The following TLE3 variants were observed in gnomAD, a reference collection of about 807,000 sequenced individuals.
TLE3 encodes the protein TLE family member 3, transcriptional corepressor.
Under a neutral mutation model 93.0 loss-of-function variants are expected in TLE3, and 14 were observed. That is an observed-to-expected ratio of 0.15 (90% CI 0.10 to 0.24). The LOEUF is 0.24. TLE3 is among the 10% of genes least tolerant of loss of function. The pLI is 1.00. For missense variants in TLE3, 693 were observed against 1,046.6 expected (o/e 0.66, Z 4.66); for synonymous variants, 451 against 425.0 (o/e 1.06, Z -0.75).
chr15:70,089,971 T>TG (rs1379142869), intron 4 of TLE3, among the ~76,000 whole-genome samples: 2 of 152,188 alleles, frequency 1.3e-5, no homozygotes, highest in Non-Finnish European at 2.9e-5. Flanking sequence ...TCCCACCCGT[T>TG]GATCTGTAAA....
chr15:70,058,444 T>G lies in TLE3; in HGVS notation c.919-153A>C. On this transcript the variant is annotated intron_variant, in intron 11 of 19. Coordinates refer to ENST00000451782, the MANE Select transcript of TLE3 (RefSeq NM_001105192.3). This position sits in a 1 kb window ranked among gnomAD's most constrained non-coding sequence, Gnocchi z 4.1. ...CTCTCAATCCTTGCCCAACCTTGTT[T>G]GGCAGGGACTGGGGTGATCACTCCC... is the stretch of plus-strand genomic sequence containing the variant. 1 of 1,356,598 alleles carries G rather than the reference T, an allele frequency of 7.4e-7. No individual in the cohort carries two copies. Among genetic ancestry groups the G allele is most frequent in the Non-Finnish European group, 1.0e-6 (1 of 996,478 alleles). The allele number at this position is 1,356,598 out of a possible 1,614,324, so 84.0% of individuals were successfully genotyped here. A position where few individuals can be genotyped will look rare whatever the true frequency, so the allele number is the denominator to read the frequency against.
At position 70,056,160 on chromosome 15, in the gene TLE3, G is replaced by A. The variant is rs1251219216; in HGVS notation, c.1328+138C>T. On this transcript the variant is annotated intron_variant, in intron 14 of 19. Transcript: ENST00000451782. Reference sequence around the variant, plus strand: ...GCAACCAGCCCTCGGTGCCTCTAGAGGGACAGATACCTTTCCAAAGGGAGG... The same window carrying A: ...GCAACCAGCCCTCGGTGCCTCTAGAAGGACAGATACCTTTCCAAAGGGAGG... 4.2e-6 allele frequency: 4 copies of A among 959,712 alleles called. No homozygotes were observed. The African/African-American group carries it at 6.4e-5, about 15-fold the overall frequency. The allele number at this position is 959,712 out of a possible 1,614,324, so 59.4% of individuals were successfully genotyped here. A position where few individuals can be genotyped will look rare whatever the true frequency, so the allele number is the denominator to read the frequency against.
chr15:70,096,335 C>A (rs1183921796), intron 1 of TLE3, 74 bp from the exon 2 acceptor site: 2 of 1,521,820 alleles, frequency 1.3e-6, no homozygotes, highest in Non-Finnish European at 1.8e-6. Context: ...CCGGCCCCTC[C>A]CCAACGGCGC....
At chr15:70,084,709 T>A (rs1345857324) in intron 4 of TLE3, among the ~76,000 whole-genome samples, 1 of 152,072 alleles carries the variant, frequency 6.6e-6, no homozygotes, top group Non-Finnish European at 1.5e-5. Flanking sequence ...AGTGCTGCTA[T>A]CTGATGCGTG....
At position 70,058,046 on chromosome 15, in the gene TLE3, GGA is replaced by G; in HGVS notation, c.1051+111_1051+112del. ...GTGAAGTCCCCAGGGGCAGGCCCTG[GGA>G]GACACTGCCTGTGCTCTATCCCATG... On this transcript the variant is annotated intron_variant, in intron 12 of 19. Transcript: ENST00000451782. This position sits in a 1 kb window ranked among gnomAD's most constrained non-coding sequence, Gnocchi z 4.1. 6.6e-7 allele frequency: 1 copy of G among 1,508,032 alleles called. No individual in the cohort carries two copies. The highest frequency in any genetic ancestry group is 9.0e-7 in the Non-Finnish European group (1 of 1,112,542). 93.4% of individuals were successfully genotyped at this position (1,508,032 alleles called of 1,614,324 possible). A position where few individuals can be genotyped will look rare whatever the true frequency, so the allele number is the denominator to read the frequency against.
At chr15:70,070,584 A>G (rs2057090610) in intron 6 of TLE3, among the ~76,000 whole-genome samples, 1 of 152,202 alleles carries the variant, frequency 6.6e-6, no homozygotes, top group African/African-American at 2.4e-5. Flanking sequence ...CCATAGCTCC[A>G]CACGCATTGA....
intron 4 of TLE3, among the ~76,000 whole-genome samples, chr15:70,085,551 G>A (rs557638362): frequency 6.6e-6 from 1 of 152,284 alleles, no homozygotes; most frequent in African/African-American, 2.4e-5. Flanking sequence ...GAGAAGTAAG[G>A]TAAAAAACCA....
At chr15:70,057,233 C>T (rs2056125289) in intron 13 of TLE3, among the ~76,000 whole-genome samples, 3 of 152,334 alleles carry the variant, frequency 2.0e-5, no homozygotes, top group Admixed American at 1.3e-4. Flanking sequence ...CATGAGGTCA[C>T]AGGGCGGCTC....
intron 19 of TLE3, chr15:70,051,187 T>G (rs1300111806): frequency 4.2e-6 from 2 of 475,324 alleles, no homozygotes; most frequent in Non-Finnish European, 7.5e-6. Flanking sequence ...AGTAGCAGAT[T>G]GTGTGTCCTG....
chr15:70,061,173 G>A (rs1464644656), intron 8 of TLE3, among the ~76,000 whole-genome samples: 1 of 152,172 alleles, frequency 6.6e-6, no homozygotes, highest in Non-Finnish European at 1.5e-5. Flanking sequence ...ACTTCCCAGT[G>A]GAGATGAGCA....
At position 70,057,528 on chromosome 15, in the gene TLE3, G is replaced by C; in HGVS notation, c.1182C>G (p.Pro394=). 2.5e-6 allele frequency: 4 copies of C among 1,607,810 alleles called. No individual in the cohort carries two copies. Among genetic ancestry groups the C allele is most frequent in the Non-Finnish European group, 3.4e-6 (4 of 1,177,466 alleles). ...CAGCAGCGGCGGCGGCGCTCATCTG[G>C]GGTGGGATGTTGTGGAGGCCGGCGT... ...GAYAGLHNIP[P]QMSAAAAAAA... The change falls in exon 13 of 20, where the codon CCC becomes CCG. Residue 394 remains proline, a synonymous_variant. Coordinates refer to ENST00000451782, the MANE Select transcript of TLE3 (RefSeq NM_001105192.3).
At chr15:70,065,881 A>G (rs1460426871) in intron 7 of TLE3, 133 bp downstream of exon 7, 1 of 996,014 alleles carries the variant, frequency 1.0e-6, no homozygotes, top group Non-Finnish European at 1.5e-6. Flanking sequence ...CCAGGTATCA[A>G]CAGATGACTC....
chr15:70,055,519 T>A, intron 14 of TLE3: 1 of 505,382 alleles, frequency 2.0e-6, no homozygotes, highest in Non-Finnish European at 3.3e-6. Flanking sequence ...CAGTTATATA[T>A]CCTTGCTTCA....
In TLE3 at chr15:70,076,144, C is replaced by T. The variant is rs750600464; in HGVS notation, c.249G>A (p.Lys83=). Residue 83 remains lysine, a synonymous_variant, in exon 5 of 20, where the codon AAG becomes AAA. Coordinates refer to ENST00000451782, the MANE Select transcript of TLE3 (RefSeq NM_001105192.3). ...TCTGTGCTAAAATTGTGTTCAGTCTCTTCGCAATCTCTGTCTGCAAAGGCA... is the reference window on the plus strand; with the variant it reads ...TCTGTGCTAAAATTGTGTTCAGTCTTTTCGCAATCTCTGTCTGCAAAGGCA... ...IEMHKQTEIA[K]RLNTILAQIM... The T allele has an allele frequency of 1.4e-5, 23 of 1,613,904 alleles. No individual in the cohort carries two copies. Among genetic ancestry groups the T allele is most frequent in the Non-Finnish European group, 1.8e-5 (21 of 1,179,896 alleles).
rs202211427 is a variant in TLE3 at position 70,051,426 on chromosome 15, C to T, written c.2167G>A (p.Ala723Thr). Residue 723 changes from alanine (A) to threonine (T), a missense_variant, in exon 19 of 20, where the codon GCC becomes ACC. Around this residue, in one of 4 missense-constraint regions of TLE3, gnomAD observed 153 missense variants for 379.9 expected, o/e 0.40. Transcript: ENST00000451782. The stretch of plus-strand genomic sequence containing the variant: ...CTGGCTCCATAAGGCGTCCTCCAGG[C>T]GTTGAGAAGGTTATCTTTCCCAGTG... ...VSTGKDNLLN[A>T]WRTPYGASIF... 1.3e-4 allele frequency: 204 copies of T among 1,610,390 alleles called. 1 individual carries two copies. Among genetic ancestry groups the T allele is most frequent in the Non-Finnish European group, 1.6e-4 (191 of 1,178,400 alleles).
At chr15:70,087,614 C>G (rs1033459029) in intron 4 of TLE3, among the ~76,000 whole-genome samples, 1 of 152,196 alleles carries the variant, frequency 6.6e-6, no homozygotes, top group Non-Finnish European at 1.5e-5. Flanking sequence ...CGAGCCAAGC[C>G]CATCCATGCT....
chr15:70,065,128 C>T (rs74021483), intron 7 of TLE3, among the ~76,000 whole-genome samples: 7,139 of 152,222 alleles, frequency 0.047, 586 homozygotes, highest in African/African-American at 0.16. Flanking sequence ...GCCTCCAGTT[C>T]CCTGGACCGG....
At position 70,097,790 on chromosome 15, in the gene TLE3, A is replaced by ACGCG; in HGVS notation, c.-996_-993dup. The ACGCG allele has an allele frequency of 2.8e-6, 1 of 361,938 alleles. No individual in the cohort carries two copies. The highest frequency in any genetic ancestry group is 4.8e-6 in the Non-Finnish European group (1 of 208,196). The allele number at this position is 361,938 out of a possible 1,614,324, so 22.4% of individuals were successfully genotyped here. On this transcript the variant is annotated 5_prime_UTR_variant, in exon 1 of 20. Transcript: ENST00000451782. Reference sequence around the variant, plus strand: ...AAACACACACACCCAACACACACACACGCGCGCACGCACACACACACACAC... The same window carrying ACGCG: ...AAACACACACACCCAACACACACACACGCGCGCGCGCACGCACACACACACACAC...
intron 2 of TLE3, 22 bp from the exon 3 acceptor site, chr15:70,095,663 G>C: frequency 6.4e-7 from 1 of 1,550,952 alleles, no homozygotes; most frequent in Non-Finnish European, 8.7e-7. Flanking sequence ...GGAGGAGCCG[G>C]CTCAGGCGTG....
Sources: allele counts gnomAD v4.1 joint callset (sites outside exome capture counted in the v4.1 genomes callset), GRCh38; gene constraint gnomAD v4.1.1; regional missense constraint gnomAD v4.1.1; non-coding constraint Gnocchi (gnomAD v3.1); transcripts MANE v1.5; gene names NCBI Gene and HGNC (gene_info 2026-07-23, HGNC 2026-07-21).